The following OR5D3 variants were observed in gnomAD, a reference collection of about 807,000 sequenced individuals.
OR5D3 encodes the protein olfactory receptor family 5 subfamily D member 3, also known as olfactory receptor 5D3.
At chr11:55,725,812 T>G in the OR5D3 span, among the ~76,000 whole-genome samples, 1 of 152,074 alleles carries the variant, frequency 6.6e-6, no homozygotes, top group East Asian at 1.9e-4. Flanking sequence ...GTAAGTTAAC[T>G]GTCTCAAAGC....
the OR5D3 span, among the ~76,000 whole-genome samples, chr11:55,724,706 A>C: frequency 3.3e-5 from 5 of 152,094 alleles, no homozygotes; most frequent in Admixed American, 2.6e-4. Context: ...TGTTAAAGTC[A>C]TTGGCTCTCA....
At chr11:55,727,071 C>A in the OR5D3 span, 1 of 404,576 alleles carries the variant, frequency 2.5e-6, no homozygotes, top group East Asian at 3.5e-5. Context: ...CCATGCTGAA[C>A]CCCTTGATCT....
At chr11:55,723,867 G>C in the OR5D3 span, 1 of 375,794 alleles carries the variant, frequency 2.7e-6, no homozygotes, top group Non-Finnish European at 4.7e-6. Flanking sequence ...CTATCTATGA[G>C]TTTTCTTAAT....
chr11:55,725,161 ATATC>A, the OR5D3 span, among the ~76,000 whole-genome samples: 24 of 152,118 alleles, frequency 1.6e-4, 2 homozygotes, highest in African/African-American at 5.6e-4. Flanking sequence ...ATAAAAGTGA[ATATC>A]TAATATGCTT....
the OR5D3 span, among the ~76,000 whole-genome samples, chr11:55,725,629 G>C: frequency 6.6e-6 from 1 of 151,892 alleles, no homozygotes; most frequent in Non-Finnish European, 1.5e-5. Flanking sequence ...ATTTTTTCAA[G>C]TTGAGTTCAA....
chr11:55,724,107 TC>T, the OR5D3 span: 3 of 396,652 alleles, frequency 7.6e-6, no homozygotes, highest in African/African-American at 6.2e-5. Flanking sequence ...AATACTGAGT[TC>T]CGGTAATCTT....
chr11:55,727,310 T>G, the OR5D3 span: 1 of 387,824 alleles, frequency 2.6e-6, no homozygotes, highest in Non-Finnish European at 4.5e-6. Flanking sequence ...ATAAATACTG[T>G]AAGTATGGAA....
chr11:55,727,095 C>G, the OR5D3 span: 2 of 402,498 alleles, frequency 5.0e-6, no homozygotes, highest in Non-Finnish European at 8.8e-6. Context: ...GCCTCAGGAA[C>G]AAAGATGTAA....
the OR5D3 span, among the ~76,000 whole-genome samples, chr11:55,724,846 G>A: frequency 2.0e-5 from 3 of 151,982 alleles, no homozygotes; most frequent in Non-Finnish European, 4.4e-5. Flanking sequence ...ATTGTTTCAG[G>A]GAAATTGCTG....
At chr11:55,726,586 G>A in the OR5D3 span, 102 of 404,588 alleles carry the variant, frequency 2.5e-4, 1 homozygote, top group Middle Eastern at 5.8e-3. Flanking sequence ...CAGATTTGTG[G>A]CAGTGTGTAA....
chr11:55,726,911 G>A, the OR5D3 span: 1 of 399,232 alleles, frequency 2.5e-6, no homozygotes, highest in Non-Finnish European at 4.4e-6. Context: ...TCCACTGGGG[G>A]GCGCAAGAAA....
the OR5D3 span, among the ~76,000 whole-genome samples, chr11:55,725,366 AG>A: frequency 6.6e-6 from 1 of 152,050 alleles, no homozygotes; most frequent in Non-Finnish European, 1.5e-5. Context: ...TTCTTGGCAA[AG>A]CTTTAAACTT....
At chr11:55,726,215 G>T in the OR5D3 span, 4 of 398,936 alleles carry the variant, frequency 1.0e-5, no homozygotes, top group Admixed American at 1.8e-4. Flanking sequence ...TTTTCTCACA[G>T]GATTCAAAAA....
At chr11:55,729,365 A>T in the OR5D3 span, 4 of 151,996 alleles carry the variant, frequency 2.6e-5, no homozygotes, top group African/African-American at 9.7e-5. Context: ...TACAGTAGGT[A>T]TAAATGTGAC....
At chr11:55,726,989 A>C in the OR5D3 span, 1 of 400,138 alleles carries the variant, frequency 2.5e-6, no homozygotes, top group Admixed American at 4.4e-5. Flanking sequence ...CTTTTTCTCT[A>C]CTGTGTTCCT....
the OR5D3 span, among the ~76,000 whole-genome samples, chr11:55,724,252 C>A: frequency 1.3e-5 from 2 of 151,852 alleles, no homozygotes; most frequent in Non-Finnish European, 2.9e-5. Context: ...TTTTCTCATT[C>A]GGCTCCCACC....
At chr11:55,726,604 C>T in the OR5D3 span, 79 of 402,922 alleles carry the variant, frequency 2.0e-4, 1 homozygote, top group African/African-American at 1.4e-3. Flanking sequence ...TAACCCTCTG[C>T]TTTACACAGT....
the OR5D3 span, chr11:55,728,124 A>G: frequency 6.6e-6 from 1 of 152,038 alleles, no homozygotes; most frequent in East Asian, 1.9e-4. Context: ...AGAGACCTGT[A>G]TGTATGTCAT....
At chr11:55,725,791 T>G in the OR5D3 span, among the ~76,000 whole-genome samples, 1 of 152,078 alleles carries the variant, frequency 6.6e-6, no homozygotes, top group East Asian at 1.9e-4. Context: ...TTTTACAATT[T>G]GTTAAGAGTT....
Sources: gnomAD v4.1 joint callset for allele counts (sites outside exome capture counted in the v4.1 genomes callset) on GRCh38, gnomAD v4.1.1 for gene constraint, MANE v1.5 for transcripts, NCBI Gene and HGNC (gene_info 2026-07-23, HGNC 2026-07-21) for gene names.